Variants in PIGZ observed in about 807,000 individuals in gnomAD.
The protein encoded by PIGZ is phosphatidylinositol glycan anchor biosynthesis class Z (Gwada blood group).
Under a neutral mutation model 16.4 loss-of-function variants are expected in PIGZ, and 16 were observed. The ratio of observed to expected loss-of-function variants is 0.97; its 90% CI spans 0.66 to 1.48. The LOEUF is 1.48. Ranked by LOEUF, PIGZ falls within the 40% of genes most tolerant of loss-of-function variation. The pLI, the probability that PIGZ is intolerant of heterozygous loss-of-function variation, is 0.00. For missense variants in PIGZ, 770 were observed against 739.2 expected (o/e 1.04, Z -0.48); for synonymous variants, 409 against 338.4 (o/e 1.21, Z -2.29).
rs201021959 is a variant in PIGZ, at chr3:196,948,640, G to C, written c.257C>G (p.Pro86Arg). ...VQAARPWEFY[P>R]SSSCRSVLFP... ...GAGCACCGAGCGGCAGGAGCTGCTGGGGTAAAACTCCCAGGGCCGCGCGGC... is the reference window on the plus strand; with the variant it reads ...GAGCACCGAGCGGCAGGAGCTGCTGCGGTAAAACTCCCAGGGCCGCGCGGC... The change falls in exon 3 of 3, where the codon CCC (proline) becomes CGC (arginine). Residue 86 changes from proline to arginine, a missense_variant. By Grantham distance (103) the Pro-to-Arg change is moderately radical. Coordinates refer to ENST00000412723, the MANE Select transcript of PIGZ (RefSeq NM_025163.4). 6 of 1,485,812 alleles carry C rather than the reference G, an allele frequency of 4.0e-6. No homozygotes were observed. In the South Asian group the frequency reaches 6.9e-5, roughly 17 times the overall value. The allele number at this position is 1,485,812 out of a possible 1,614,324, so 92.0% of individuals were successfully genotyped here.
rs753153527 is a variant in PIGZ at position 196,948,529 on chromosome 3, T to C, written c.368A>G (p.Tyr123Cys). Residue 123 changes from tyrosine to cysteine, a missense_variant, in exon 3 of 3, where the codon TAT becomes TGT. Transcript: ENST00000412723. ...LGPWPGLVSG[Y>C]ALLVGPRLLL... ...GAGTCGAGGCCCCACCAGCAGCGCATAGCCGCTCACCAGGCCAGGCCACGG... is the reference window on the plus strand; with the variant it reads ...GAGTCGAGGCCCCACCAGCAGCGCACAGCCGCTCACCAGGCCAGGCCACGG... 1.9e-6 allele frequency: 3 copies of C among 1,611,002 alleles called. No homozygotes were observed. The highest frequency in any genetic ancestry group is 1.3e-5 in the African/African-American group (1 of 74,962).
chr3:196,967,575 C>T (rs1717981871), intron 1 of PIGZ, among the ~76,000 whole-genome samples: 1 of 152,196 alleles, frequency 6.6e-6, no homozygotes. Context: ...GTCCTCCAGT[C>T]CTCGGGGTCT....
intron 1 of PIGZ, among the ~76,000 whole-genome samples, chr3:196,954,548 A>G (rs140074202): frequency 6.6e-6 from 1 of 150,888 alleles, no homozygotes; most frequent in African/African-American, 2.4e-5. Flanking sequence ...GCTCATCTTT[A>G]TTTTTTCTTT....
chr3:196,959,120 C>T (rs918007214), intron 1 of PIGZ, among the ~76,000 whole-genome samples: 43 of 152,312 alleles, frequency 2.8e-4, no homozygotes, highest in South Asian at 2.1e-4. Context: ...TCATGACTTC[C>T]GCTATGGAGC....
At position 196,948,974 on chromosome 3, in the gene PIGZ, TCCCC is replaced by T. The variant is rs1560181345; in HGVS notation, c.212-293_212-290del. ...CTCCCCTCCCTTCCTTCCCTTCCCC[TCCCC>T]TCCCTTCCCTTCCTTCCCTTTACTT... On this transcript the variant is annotated intron_variant, in intron 2 of 2. Coordinates refer to ENST00000412723, the MANE Select transcript of PIGZ (RefSeq NM_025163.4). Among the ~76,000 whole-genome samples the T allele has an allele frequency of 9.4e-3, 233 of 24,716 alleles. 61 individuals carry two copies. Among genetic ancestry groups the T allele is most frequent in the African/African-American group, 0.059 (217 of 3,702 alleles). The allele number at this position is 24,716 out of a possible 152,430, so 16.2% of individuals were successfully genotyped here.
intron 2 of PIGZ, among the ~76,000 whole-genome samples, chr3:196,950,653 C>A: frequency 6.6e-6 from 1 of 152,108 alleles, no homozygotes; most frequent in Non-Finnish European, 1.5e-5. Context: ...GAAGATGAGC[C>A]TTTTAACTTA....
chr3:196,953,856 A>C (rs1255069490), intron 1 of PIGZ, among the ~76,000 whole-genome samples: 2 of 148,288 alleles, frequency 1.3e-5, no homozygotes, highest in Non-Finnish European at 2.9e-5. Context: ...AGCTGGACAC[A>C]GTGGTGTGTG....
At chr3:196,954,492 G>A (rs1000688995) in intron 1 of PIGZ, among the ~76,000 whole-genome samples, 1 of 151,796 alleles carries the variant, frequency 6.6e-6, no homozygotes, top group African/African-American at 2.4e-5. Flanking sequence ...TTGATTTTGC[G>A]AATTTCTTCA....
intron 1 of PIGZ, among the ~76,000 whole-genome samples, chr3:196,952,795 G>A (rs1253356632): frequency 6.6e-6 from 1 of 152,196 alleles, no homozygotes; most frequent in Non-Finnish European, 1.5e-5. Context: ...GGGTGGGCAT[G>A]ATCCAACCCA....
intron 1 of PIGZ, among the ~76,000 whole-genome samples, chr3:196,952,761 TAAG>T (rs1717340894): frequency 6.6e-6 from 1 of 152,162 alleles, no homozygotes; most frequent in Admixed American, 6.5e-5. Context: ...ATTGGTAGAC[TAAG>T]AAGATCAGCT....
At chr3:196,952,172 GC>G (rs1717314295) in intron 1 of PIGZ, 141 bp from the exon 2 acceptor site, 1 of 801,546 alleles carries the variant, frequency 1.2e-6, no homozygotes, top group African/African-American at 1.7e-5. Flanking sequence ...CCCACTAACT[GC>G]CAGGCACGTG....
Position 196,947,376 on chromosome 3 carries a change from G to A in PIGZ, c.1521C>T (p.Ala507=). Residue 507 remains alanine (A), a synonymous_variant, in exon 3 of 3, where the codon GCC becomes GCT. Transcript: ENST00000412723. ...QTLKSFTRQP[A]CQVAGGPWLC... ...GCCATGGCCCACCAGCCACTTGGCA[G>A]GCTGGTTGTCTGGTGAAGCTTTTCA... 6.2e-7 allele frequency: 1 copy of A among 1,614,172 alleles called. No individual in the cohort carries two copies. Among genetic ancestry groups the A allele is most frequent in the Admixed American group, 1.7e-5 (1 of 60,036 alleles).
Position 196,948,937 on chromosome 3 carries a change from C to CCCTT in PIGZ, c.212-256_212-253dup, listed in dbSNP as rs1159083695. On this transcript the variant is annotated intron_variant, in intron 2 of 2. Transcript: ENST00000412723. ...TCCCTTCCCTTCCTTCCCTTTACTT[C>CCCTT]CCTTCCTTCCCCTCCCCTCCCTTCC... is the stretch of plus-strand genomic sequence containing the variant. 2.7e-4 allele frequency among the ~76,000 whole-genome samples: 3 copies of CCCTT among 11,320 alleles called. No individual in the cohort carries two copies. In the African/African-American group the frequency reaches 3.0e-3, roughly 11 times the overall value. 7.4% of individuals were successfully genotyped at this position (11,320 alleles called of 152,430 possible). A position where few individuals can be genotyped will look rare whatever the true frequency, so the allele number is the denominator to read the frequency against.
In PIGZ at chr3:196,947,271, T is replaced by C. The variant is rs200854568; in HGVS notation, c.1626A>G (p.Thr542=). 1 of 1,613,770 alleles carries C rather than the reference T, an allele frequency of 6.2e-7. No homozygotes were observed. Among genetic ancestry groups the C allele is most frequent in the Non-Finnish European group, 8.5e-7 (1 of 1,179,926 alleles). The change falls in exon 3 of 3, where the codon ACA becomes ACG. Residue 542 remains threonine (T), a synonymous_variant. Coordinates refer to ENST00000412723, the MANE Select transcript of PIGZ (RefSeq NM_025163.4). ...CCAGGGTCAGATGGGGAAATAAAAG[T>C]GTTTCATTCTTGAAGGGGAAGCTGC... ...EKCSFPFKNE[T]LLFPHLTLED... is the part of the protein sequence containing the mutation.
At position 196,947,771 on chromosome 3, in the gene PIGZ, T is replaced by C. The variant is rs377694378; in HGVS notation, c.1126A>G (p.Met376Val). The C allele has an allele frequency of 6.2e-7, 1 of 1,610,556 alleles. No homozygotes were observed. Residue 376 changes from methionine to valine, a missense_variant, in exon 3 of 3, where the codon ATG becomes GTG. By Grantham distance (21) the Met-to-Val change is conservative. Coordinates refer to ENST00000412723, the MANE Select transcript of PIGZ (RefSeq NM_025163.4). ...AAGGCAGATAGCAGGGCCAGAGGCA[T>C]GAAGTAGAGGAGAAGGAGATAGGAC... ...PRSYLLLLYF[M>V]PLALLSAFSH... is the part of the protein sequence containing the mutation.
rs183753762 is a variant in PIGZ, at chr3:196,950,446, G to A, written c.211+1375C>T. Among the ~76,000 whole-genome samples the A allele has an allele frequency of 2.0e-4, 30 of 152,334 alleles. 2 individuals are homozygous for A. The East Asian group carries it at 5.4e-3, about 27-fold the overall frequency. On this transcript the variant is annotated intron_variant, in intron 2 of 2. Transcript: ENST00000412723. The stretch of plus-strand genomic sequence containing the variant: ...CACTCCAAGCCTCATTGTTCACAGC[G>A]TCTCTTGCTTGATCACCTGCTGGCT...
intron 1 of PIGZ, among the ~76,000 whole-genome samples, chr3:196,966,576 C>T (rs1165931595): frequency 6.6e-6 from 1 of 152,218 alleles, no homozygotes; most frequent in Admixed American, 6.5e-5. Context: ...GCCCATCTGT[C>T]AAGGACAGAG....
rs756222035 is a variant in PIGZ, at chr3:196,949,007, TTTCCC to T, written c.212-327_212-323del. Among the ~76,000 whole-genome samples the T allele has an allele frequency of 5.7e-4, 12 of 21,230 alleles. 1 individual carries two copies. The highest frequency in any genetic ancestry group is 3.0e-3 in the Admixed American group (5 of 1,644). 13.9% of individuals were successfully genotyped at this position (21,230 alleles called of 152,430 possible). ...CTTCCCTTCCTTCCCTTTACTTCTC[TTTCCC>T]TCCCCTCCCTTCCCTTCCTTCCCTT... On this transcript the variant is annotated intron_variant, in intron 2 of 2. Transcript: ENST00000412723.
intron 1 of PIGZ, among the ~76,000 whole-genome samples, chr3:196,955,948 A>AT (rs202090252): frequency 1.7e-4 from 25 of 149,642 alleles, no homozygotes; most frequent in African/African-American, 3.9e-4. Flanking sequence ...TGTTTTTTCA[A>AT]TTTTTTTTGT....
Sources: gnomAD v4.1 joint callset for allele counts (sites outside exome capture counted in the v4.1 genomes callset) on GRCh38, gnomAD v4.1.1 for gene constraint, MANE v1.5 for transcripts, NCBI Gene and HGNC (gene_info 2026-07-23, HGNC 2026-07-21) for gene names.